The following ABTB3 variants were observed in gnomAD, a reference collection of about 807,000 sequenced individuals.
ABTB3 encodes the protein ankyrin repeat- and BTB/POZ domain-containing protein 3.
chr12:107,487,447 A>G, the ABTB3 span, among the ~76,000 whole-genome samples: 1 of 152,114 alleles, frequency 6.6e-6, no homozygotes. Context: ...TCACTAGGAA[A>G]AGGTCAGCCA....
At chr12:107,404,119 C>T in the ABTB3 span, among the ~76,000 whole-genome samples, 9 of 136,538 alleles carry the variant, frequency 6.6e-5, no homozygotes, top group Non-Finnish European at 1.1e-4. Context: ...GCTGAGATCA[C>T]GCCACTGCAT....
At chr12:107,527,229 AC>A in the ABTB3 span, among the ~76,000 whole-genome samples, 2 of 150,308 alleles carry the variant, frequency 1.3e-5, no homozygotes, top group African/African-American at 5.0e-5. Context: ...TGTCTCCCCC[AC>A]CAAGACTGTA....
At chr12:107,395,480 C>T in the ABTB3 span, among the ~76,000 whole-genome samples, 3 of 152,236 alleles carry the variant, frequency 2.0e-5, no homozygotes, top group African/African-American at 4.8e-5. Context: ...GTGTGCACCC[C>T]TATCCAGTAG....
chr12:107,652,398 G>A, the ABTB3 span, among the ~76,000 whole-genome samples: 1 of 152,146 alleles, frequency 6.6e-6, no homozygotes, highest in Non-Finnish European at 1.5e-5. Context: ...AACTTCCTGT[G>A]CCTGGGACCC....
the ABTB3 span, among the ~76,000 whole-genome samples, chr12:107,329,871 G>C: frequency 2.0e-5 from 3 of 152,172 alleles, no homozygotes; most frequent in African/African-American, 7.2e-5. Context: ...CCTGTGCTGG[G>C]TTTAATTTAT....
chr12:107,541,215 C>T, the ABTB3 span, among the ~76,000 whole-genome samples: 1 of 152,184 alleles, frequency 6.6e-6, no homozygotes, highest in Non-Finnish European at 1.5e-5. Flanking sequence ...GGAGGAGAAA[C>T]TCCTGCCTCT....
chr12:107,421,747 A>C, the ABTB3 span, among the ~76,000 whole-genome samples: 2 of 152,210 alleles, frequency 1.3e-5, no homozygotes, highest in Non-Finnish European at 2.9e-5. Flanking sequence ...ACTTCGGCCT[A>C]GAGGTGAGCT....
chr12:107,345,671 C>T, the ABTB3 span, among the ~76,000 whole-genome samples: 1 of 151,828 alleles, frequency 6.6e-6, no homozygotes, highest in Non-Finnish European at 1.5e-5. Context: ...CTGAATTCCC[C>T]AAAGGAAAAC....
chr12:107,541,897 C>T, the ABTB3 span, among the ~76,000 whole-genome samples: 4 of 149,914 alleles, frequency 2.7e-5, no homozygotes, highest in Admixed American at 2.7e-4. Flanking sequence ...TGTATGTGTA[C>T]CCCCGAACCT....
the ABTB3 span, chr12:107,650,515 T>C: frequency 1.1e-4 from 16 of 152,326 alleles, no homozygotes; most frequent in East Asian, 2.7e-3. Flanking sequence ...TAAACAAAAG[T>C]GCGCTGGTGT....
chr12:107,453,730 A>G, the ABTB3 span, among the ~76,000 whole-genome samples: 1 of 152,224 alleles, frequency 6.6e-6, no homozygotes, highest in Non-Finnish European at 1.5e-5. Context: ...GCAAGAATGG[A>G]TGTGGGAAGA....
chr12:107,423,897 T>A, the ABTB3 span, among the ~76,000 whole-genome samples: 1 of 152,236 alleles, frequency 6.6e-6, no homozygotes, highest in African/African-American at 2.4e-5. Context: ...CTCACTTCCC[T>A]GAGTTGTTTT....
chr12:107,456,652 C>T, the ABTB3 span, among the ~76,000 whole-genome samples: 2 of 152,064 alleles, frequency 1.3e-5, no homozygotes, highest in Non-Finnish European at 2.9e-5. Context: ...ATGTAATGCA[C>T]TTGAATTATC....
At chr12:107,548,530 C>T in the ABTB3 span, among the ~76,000 whole-genome samples, 2 of 152,086 alleles carry the variant, frequency 1.3e-5, no homozygotes, top group Non-Finnish European at 2.9e-5. Flanking sequence ...TTTCGTTTTT[C>T]ATTGTGGAAT....
the ABTB3 span, among the ~76,000 whole-genome samples, chr12:107,530,173 G>A: frequency 2.9e-4 from 44 of 152,144 alleles, no homozygotes; most frequent in African/African-American, 1.0e-3. Flanking sequence ...ATGGTGAGAT[G>A]GTTAGCTCAA....
the ABTB3 span, among the ~76,000 whole-genome samples, chr12:107,466,345 T>G: frequency 5.9e-5 from 9 of 152,010 alleles, no homozygotes. Flanking sequence ...GTGGGGCGCT[T>G]GGGACACCGT....
chr12:107,494,962 G>T, the ABTB3 span, among the ~76,000 whole-genome samples: 1 of 152,336 alleles, frequency 6.6e-6, no homozygotes, highest in Non-Finnish European at 1.5e-5. Flanking sequence ...ACGGGACTGT[G>T]GGGGATGCAG....
the ABTB3 span, among the ~76,000 whole-genome samples, chr12:107,514,232 C>T: frequency 8.5e-5 from 13 of 152,284 alleles, 3 homozygotes; most frequent in South Asian, 2.3e-3. Context: ...CCCACCTTGC[C>T]GCCAGGCCAG....
the ABTB3 span, among the ~76,000 whole-genome samples, chr12:107,487,333 CT>C: frequency 1.3e-5 from 2 of 152,120 alleles, no homozygotes; most frequent in Non-Finnish European, 2.9e-5. Context: ...CCATTTTTGG[CT>C]CACCTGTGCC....
Sources: allele counts gnomAD v4.1 joint callset (sites outside exome capture counted in the v4.1 genomes callset), GRCh38; gene constraint gnomAD v4.1.1; transcripts MANE v1.5; gene names NCBI Gene and HGNC (gene_info 2026-07-23, HGNC 2026-07-21).